The following TMPRSS11A variants were observed in gnomAD, a reference collection of about 807,000 sequenced individuals.
TMPRSS11A encodes the protein transmembrane serine protease 11A.
A neutral mutation model predicts 58.9 loss-of-function variants in TMPRSS11A; 53 were observed. That is an observed-to-expected ratio of 0.90 (90% CI 0.72 to 1.13). The LOEUF (loss-of-function observed/expected upper bound fraction) is 1.13. Ranked by LOEUF, TMPRSS11A falls within the 50% of genes most tolerant of loss-of-function variation. The probability of loss-of-function intolerance (pLI) is 0.00; values close to 1 mark genes in which losing one functional copy is unlikely to be tolerated. For synonymous variants in TMPRSS11A, 167 were observed against 169.8 expected (o/e 0.98, Z 0.13); for missense variants, 493 against 499.3 (o/e 0.99, Z 0.12).
At chr4:67,924,759 G>A (rs996751437) in intron 5 of TMPRSS11A, among the ~76,000 whole-genome samples, 1 of 152,144 alleles carries the variant, frequency 6.6e-6, no homozygotes, top group African/African-American at 2.4e-5. Flanking sequence ...CCATAGAACA[G>A]TATGGGGGAA....
Position 67,919,018 on chromosome 4 carries a change from T to A in TMPRSS11A, c.907A>T (p.Asn303Tyr). 6.2e-7 allele frequency: 1 copy of A among 1,614,088 alleles called. No individual in the cohort carries two copies. Among genetic ancestry groups the A allele is most frequent in the South Asian group, 1.1e-5 (1 of 91,080 alleles). ...LPEASASFQP[N>Y]LTVHITGFGA... ...AATCCTGTGATGTGGACAGTCAAAT[T>A]TGGTTGGAAGGATGCAGAGGCTTCT... is the stretch of plus-strand genomic sequence containing the variant. Residue 303 changes from asparagine to tyrosine, a missense_variant, in exon 8 of 10, where the codon AAT becomes TAT. Coordinates refer to ENST00000508048, the MANE Select transcript of TMPRSS11A (RefSeq NM_001114387.2).
At chr4:67,947,960 C>T (rs567264469) in intron 1 of TMPRSS11A, among the ~76,000 whole-genome samples, 19 of 152,184 alleles carry the variant, frequency 1.2e-4, no homozygotes, top group Admixed American at 1.2e-3. Context: ...GACTAACTCC[C>T]GTGCTTGTTC....
At chr4:67,931,900 G>C (rs1019973763) in intron 4 of TMPRSS11A, 93 bp downstream of exon 4, 2 of 766,146 alleles carry the variant, frequency 2.6e-6, no homozygotes, top group Non-Finnish European at 4.5e-6. Context: ...CAAAAGCCTA[G>C]TCCATGGAGA....
At chr4:67,933,922 G>A (rs111562042) in intron 3 of TMPRSS11A, among the ~76,000 whole-genome samples, 1,754 of 152,254 alleles carry the variant, frequency 0.012, 30 homozygotes, top group African/African-American at 0.04. Context: ...ACTTTTTGGT[G>A]AAGGCATTGG....
At chr4:67,946,713 T>C (rs1200765756) in intron 1 of TMPRSS11A, 142 bp from the exon 2 acceptor site, 1 of 692,546 alleles carries the variant, frequency 1.4e-6, no homozygotes, top group Non-Finnish European at 2.1e-6. Flanking sequence ...CATCTTGGTC[T>C]GAGAAGATGT....
intron 5 of TMPRSS11A, among the ~76,000 whole-genome samples, chr4:67,924,381 C>T (rs1168839115): frequency 6.6e-6 from 1 of 152,158 alleles, no homozygotes; most frequent in East Asian, 1.9e-4. Flanking sequence ...CTATCACAAG[C>T]AATGGGTGAG....
At chr4:67,931,728 T>C (rs1560567626) in intron 4 of TMPRSS11A, among the ~76,000 whole-genome samples, 1 of 152,188 alleles carries the variant, frequency 6.6e-6, no homozygotes, top group Admixed American at 6.5e-5. Flanking sequence ...AATAAGTTAA[T>C]GGGGTTTGAT....
intron 3 of TMPRSS11A, 90 bp from the exon 4 acceptor site, chr4:67,932,150 T>G (rs1720642590): frequency 1.4e-6 from 1 of 704,360 alleles, no homozygotes; most frequent in South Asian, 2.1e-5. Flanking sequence ...AATCAAAAAT[T>G]TTTTCACAGA....
intron 1 of TMPRSS11A, among the ~76,000 whole-genome samples, chr4:67,947,406 A>C (rs1483505472): frequency 4.0e-5 from 6 of 151,884 alleles, no homozygotes; most frequent in Non-Finnish European, 8.8e-5. Context: ...TTTAGTTTTT[A>C]ATGACATTGA....
chr4:67,916,842 A>ATAAAAT (rs1485850903), intron 8 of TMPRSS11A, among the ~76,000 whole-genome samples: 19 of 152,240 alleles, frequency 1.2e-4, no homozygotes, highest in African/African-American at 4.6e-4. Flanking sequence ...AAAAATAAAA[A>ATAAAAT]TAAAAATAAA....
chr4:67,928,015 T>C (rs966068517), intron 5 of TMPRSS11A, among the ~76,000 whole-genome samples: 5 of 152,184 alleles, frequency 3.3e-5, no homozygotes, highest in Admixed American at 6.5e-5. Context: ...GGTGACTTAG[T>C]GGAGTTAGAA....
At chr4:67,946,426 A>T in intron 2 of TMPRSS11A, 24 bp downstream of exon 2, 1 of 1,572,930 alleles carries the variant, frequency 6.4e-7, no homozygotes, top group Non-Finnish European at 8.6e-7. Context: ...AATCAAATAG[A>T]GTGAAATCTT....
At chr4:67,954,475 A>G (rs1721235711) in intron 1 of TMPRSS11A, among the ~76,000 whole-genome samples, 1 of 152,186 alleles carries the variant, frequency 6.6e-6, no homozygotes, top group Non-Finnish European at 1.5e-5. Flanking sequence ...TATCCCTTCT[A>G]GATCCCCCTG....
chr4:67,963,490 GC>G lies in TMPRSS11A; in HGVS notation c.-98del. ...TCTCTAGATGTATTAGAAGTCTACG[GC>G]TCAAAGAAATAAGGAAACAAATTAC... On this transcript the variant is annotated 5_prime_UTR_variant, in exon 1 of 10. Coordinates refer to ENST00000508048, the MANE Select transcript of TMPRSS11A (RefSeq NM_001114387.2). 7.8e-7 allele frequency: 1 copy of G among 1,282,234 alleles called. No homozygotes were observed. Among genetic ancestry groups the G allele is most frequent in the South Asian group, 1.4e-5 (1 of 74,060 alleles). 79.4% of individuals were successfully genotyped at this position (1,282,234 alleles called of 1,614,324 possible). A position where few individuals can be genotyped will look rare whatever the true frequency, so the allele number is the denominator to read the frequency against.
intron 5 of TMPRSS11A, among the ~76,000 whole-genome samples, chr4:67,924,890 A>T (rs1191739452): frequency 6.6e-6 from 1 of 151,932 alleles, no homozygotes; most frequent in African/African-American, 2.4e-5. Context: ...TGGCAAGTAG[A>T]CTGTCTTACA....
In TMPRSS11A at chr4:67,911,374, G is replaced by A. The variant is rs369203246; in HGVS notation, c.1225C>T (p.Arg409Ter). 1.9e-6 allele frequency: 3 copies of A among 1,612,698 alleles called. No homozygotes were observed. Among genetic ancestry groups the A allele is most frequent in the African/African-American group, 2.7e-5 (2 of 74,824 alleles). The change falls in exon 10 of 10, where the codon CGA becomes TGA. Residue 409 changes from arginine (R) to a stop codon, truncating the protein, a stop_gained. Coordinates refer to ENST00000508048, the MANE Select transcript of TMPRSS11A (RefSeq NM_001114387.2). LOFTEE classifies it high-confidence loss of function. ...PGVYTQVTYY[R>*]NWIASKTGI ...CCTGTTTTTGAAGCAATCCAGTTTC[G>A]GTAATAAGTCACTTGTGTGTAGACT...
intron 3 of TMPRSS11A, among the ~76,000 whole-genome samples, chr4:67,940,489 A>T (rs147650634): frequency 2.8e-4 from 42 of 152,246 alleles, no homozygotes; most frequent in African/African-American, 9.9e-4. Context: ...TTTTCCAGGA[A>T]TTTACCCATT....
intron 3 of TMPRSS11A, among the ~76,000 whole-genome samples, chr4:67,936,412 A>G (rs1235078584): frequency 1.3e-5 from 2 of 150,822 alleles, no homozygotes; most frequent in East Asian, 3.9e-4. Context: ...CAACCTGAGC[A>G]CTGAGTGATG....
At chr4:67,913,936 C>T (rs1720073544) in intron 9 of TMPRSS11A, among the ~76,000 whole-genome samples, 1 of 152,182 alleles carries the variant, frequency 6.6e-6, no homozygotes, top group South Asian at 2.1e-4. Flanking sequence ...CGCTGGAAAA[C>T]ATCCATGTTA....
Sources: gnomAD v4.1 joint callset for allele counts (sites outside exome capture counted in the v4.1 genomes callset) on GRCh38, gnomAD v4.1.1 for gene constraint, MANE v1.5 for transcripts, NCBI Gene and HGNC (gene_info 2026-07-23, HGNC 2026-07-21) for gene names.